CACNG4: variants seen among roughly 807,000 people sequenced by gnomAD.
CACNG4 encodes calcium voltage-gated channel auxiliary subunit gamma 4.
CACNG4 carries 8 observed loss-of-function variants against 22.9 expected under a neutral mutation model. The observed-to-expected ratio is 0.35, with a 90% confidence interval of 0.21 to 0.63. CACNG4 has a LOEUF of 0.63. CACNG4 is among the 30% of genes least tolerant of loss of function. The pLI, the probability that CACNG4 is intolerant of heterozygous loss-of-function variation, is 0.72. For missense variants in CACNG4, 357 were observed against 455.4 expected (o/e 0.78, Z 1.97); for synonymous variants, 188 against 191.9 (o/e 0.98, Z 0.17).
intron 1 of CACNG4, among the ~76,000 whole-genome samples, chr17:67,009,588 G>A (rs796281632): frequency 6.6e-6 from 1 of 152,306 alleles, no homozygotes; most frequent in Non-Finnish European, 1.5e-5. Context: ...TAGTGTATCT[G>A]TAGTATATAA....
At chr17:66,968,040 A>G (rs1388570840) in intron 1 of CACNG4, among the ~76,000 whole-genome samples, 1 of 152,174 alleles carries the variant, frequency 6.6e-6, no homozygotes, top group African/African-American at 2.4e-5. Context: ...CCTTGTGCAC[A>G]TTACCGCGTG....
At chr17:66,991,193 C>T (rs571167339) in intron 1 of CACNG4, among the ~76,000 whole-genome samples, 1 of 152,038 alleles carries the variant, frequency 6.6e-6, no homozygotes, top group Non-Finnish European at 1.5e-5. Context: ...CAGAAGCCTC[C>T]CTGGGCTCCA....
chr17:67,029,982 A>G (rs1379031771), intron 3 of CACNG4, among the ~76,000 whole-genome samples: 1 of 152,200 alleles, frequency 6.6e-6, no homozygotes, highest in Non-Finnish European at 1.5e-5. Flanking sequence ...GCACCCAGAC[A>G]TCTCCCGTAA....
Position 67,020,015 on chromosome 17 carries a change from C to T in CACNG4, c.304+1743C>T, listed in dbSNP as rs568330238. 17 of 152,432 alleles carry T rather than the reference C, an allele frequency of 1.1e-4. No individual in the cohort carries two copies. The South Asian group carries it at 1.2e-3, about 11-fold the overall frequency. 9.4% of individuals were successfully genotyped at this position (152,432 alleles called of 1,614,324 possible). A position where few individuals can be genotyped will look rare whatever the true frequency, so the allele number is the denominator to read the frequency against. On this transcript the variant is annotated intron_variant, in intron 2 of 3. Coordinates refer to ENST00000262138, the MANE Select transcript of CACNG4 (RefSeq NM_014405.4). ...AACCCACAAGGGCTGGAGAGCACCC[C>T]GGGGCCAGCAATAGCCGGGAGCCCT...
chr17:66,964,797 GC>G lies in CACNG4; in HGVS notation c.-109del, dbSNP rs1361185711. The G allele has an allele frequency of 2.9e-5, 8 of 276,748 alleles. No individual in the cohort carries two copies. Among genetic ancestry groups the G allele is most frequent in the Non-Finnish European group, 4.3e-5 (8 of 186,922 alleles). 17.1% of individuals were successfully genotyped at this position (276,748 alleles called of 1,614,324 possible). On this transcript the variant is annotated 5_prime_UTR_variant, in exon 1 of 4. Transcript: ENST00000262138. ...GGGTCGGAGCGCGCAGCGCGGCGCC[GC>G]CCCCCGGCCCTCGGCCCCCCAACCC...
At chr17:66,991,767 C>T (rs895931316) in intron 1 of CACNG4, among the ~76,000 whole-genome samples, 2 of 152,184 alleles carry the variant, frequency 1.3e-5, no homozygotes, top group Non-Finnish European at 2.9e-5. Context: ...GGCGTGTCTC[C>T]AGCCAAAGGC....
chr17:66,973,843 C>G (rs2035219516), intron 1 of CACNG4, among the ~76,000 whole-genome samples: 1 of 152,218 alleles, frequency 6.6e-6, no homozygotes, highest in African/African-American at 2.4e-5. Context: ...CTGCCTGGAT[C>G]TGCCCCCAAC....
chr17:67,015,211 C>T (rs901297173), intron 1 of CACNG4, among the ~76,000 whole-genome samples: 2 of 152,174 alleles, frequency 1.3e-5, no homozygotes, highest in Admixed American at 6.5e-5. Context: ...AGCAAACTAC[C>T]GATACGCATG....
intron 1 of CACNG4, among the ~76,000 whole-genome samples, chr17:67,009,418 A>G (rs2035455598): frequency 6.6e-6 from 1 of 152,058 alleles, no homozygotes; most frequent in East Asian, 1.9e-4. Context: ...CAAACCAAGA[A>G]CATCGCTTAT....
Position 66,972,735 on chromosome 17 carries a change from G to T in CACNG4, c.220+7604G>T, listed in dbSNP as rs2035212267. On this transcript the variant is annotated intron_variant, in intron 1 of 3. Transcript: ENST00000262138. The stretch of plus-strand genomic sequence containing the variant: ...GAGGTCAGGAGTTCAAGACCAGCCT[G>T]GCCAACATGGTGAAACCCCGTCTCC... 2.0e-5 allele frequency among the ~76,000 whole-genome samples: 3 copies of T among 152,104 alleles called. No homozygotes were observed. In the South Asian group the frequency reaches 6.2e-4, roughly 32 times the overall value.
intron 1 of CACNG4, among the ~76,000 whole-genome samples, chr17:66,976,399 T>C (rs1268352942): frequency 6.8e-6 from 1 of 147,320 alleles, no homozygotes; most frequent in African/African-American, 2.5e-5. Context: ...CCAACTTCTT[T>C]CCATCCCTCC....
chr17:67,000,927 G>A (rs2035404279), intron 1 of CACNG4, among the ~76,000 whole-genome samples: 1 of 151,996 alleles, frequency 6.6e-6, no homozygotes, highest in Non-Finnish European at 1.5e-5. Context: ...AGCAAATCTT[G>A]TATATCAGAT....
In CACNG4 at chr17:66,965,184, ACATATACACACGCGCGCGCGCGCGCGCG is replaced by A. The variant is rs1231954646; in HGVS notation, c.220+56_220+83del. ...CCCACACACACACACACACACACACACATATACACACGCGCGCGCGCGCGCGCGCACACACACACACGCGCACACACTG... is the reference window on the plus strand; with the variant it reads ...CCCACACACACACACACACACACACACACACACACACACGCGCACACACTG... On this transcript the variant is annotated intron_variant, in intron 1 of 3. Coordinates refer to ENST00000262138, the MANE Select transcript of CACNG4 (RefSeq NM_014405.4). The A allele has an allele frequency of 4.7e-4, 484 of 1,035,558 alleles. 1 individual carries two copies. Among genetic ancestry groups the A allele is most frequent in the Admixed American group, 1.3e-3 (51 of 38,640 alleles). 64.1% of individuals were successfully genotyped at this position (1,035,558 alleles called of 1,614,324 possible).
chr17:67,018,251 G>A lies in CACNG4; in HGVS notation c.283G>A (p.Asp95Asn). Residue 95 changes from aspartate (D) to asparagine (N), a missense_variant, in exon 2 of 4, where the codon GAC becomes AAC. Around this residue, in one of 3 missense-constraint regions of CACNG4, gnomAD observed 114 missense variants for 161.6 expected, o/e 0.71. Transcript: ENST00000262138. ...CCCAGAGGACAATGACTACGACCAC[G>A]ACAGCTCGGAGTACCTCCTCCGTGA... ...HFPEDNDYDHDSSEYLLRIVR... is the reference protein window; with the variant it reads ...HFPEDNDYDHNSSEYLLRIVR... 2.5e-6 allele frequency: 4 copies of A among 1,613,866 alleles called. No individual in the cohort carries two copies. The highest frequency in any genetic ancestry group is 2.2e-5 in the East Asian group (1 of 44,864).
intron 2 of CACNG4, among the ~76,000 whole-genome samples, chr17:67,020,469 C>T (rs1250447224): frequency 6.6e-6 from 1 of 152,190 alleles, no homozygotes; most frequent in African/African-American, 2.4e-5. Context: ...TTAACAAGCT[C>T]AGAGATGCAC....
rs924449690 is a variant in CACNG4 at position 66,980,570 on chromosome 17, G to A, written c.220+15439G>A. Among the ~76,000 whole-genome samples the A allele has an allele frequency of 8.7e-3, 1,275 of 147,244 alleles. 16 individuals carry two copies. The highest frequency in any genetic ancestry group is 0.014 in the Non-Finnish European group (921 of 67,266). ...AATCTTCAAACTCTTTAAAATAAAA[G>A]ATTCTTTTACCTCAAAAATTTTCCA... On this transcript the variant is annotated intron_variant, in intron 1 of 3. Transcript: ENST00000262138.
At position 67,032,289 on chromosome 17, in the gene CACNG4, C is replaced by T. The variant is rs1365347352; in HGVS notation, c.*1285C>T. 3.1e-6 allele frequency: 1 copy of T among 325,904 alleles called. No individual in the cohort carries two copies. Among genetic ancestry groups the T allele is most frequent in the Non-Finnish European group, 6.0e-6 (1 of 168,022 alleles). 20.2% of individuals were successfully genotyped at this position (325,904 alleles called of 1,614,324 possible). A position where few individuals can be genotyped will look rare whatever the true frequency, so the allele number is the denominator to read the frequency against. ...TTCCAGCCATTCTTTTCTTCCCCCT[C>T]CTGAAGCAAGCAAAGAGCGTGGAGG... On this transcript the variant is annotated 3_prime_UTR_variant, in exon 4 of 4. Transcript: ENST00000262138.
chr17:66,996,183 G>T (rs900075219), intron 1 of CACNG4, among the ~76,000 whole-genome samples: 1 of 152,092 alleles, frequency 6.6e-6, no homozygotes, highest in Non-Finnish European at 1.5e-5. Flanking sequence ...TCTGCTCCGT[G>T]GTTGGGCATT....
At chr17:66,971,710 CCTT>C (rs2035205948) in intron 1 of CACNG4, among the ~76,000 whole-genome samples, 3 of 152,100 alleles carry the variant, frequency 2.0e-5, no homozygotes, top group African/African-American at 7.2e-5. Context: ...GGAGGGAAAA[CCTT>C]CTAGGAGGAG....
Sources: gnomAD v4.1 joint callset for allele counts (sites outside exome capture counted in the v4.1 genomes callset) on GRCh38, gnomAD v4.1.1 for gene constraint, gnomAD v4.1.1 regional missense constraint, MANE v1.5 for transcripts, NCBI Gene and HGNC (gene_info 2026-07-23, HGNC 2026-07-21) for gene names.